The following JAKMIP2 variants were observed in gnomAD, a reference collection of about 807,000 sequenced individuals.
JAKMIP2 encodes janus kinase and microtubule-interacting protein 2.
A neutral mutation model predicts 115.0 loss-of-function variants in JAKMIP2; 25 were observed. The observed-to-expected ratio is 0.22, with a 90% CI of 0.16 to 0.30. The LOEUF is 0.30. JAKMIP2 is among the 10% of genes least tolerant of loss of function. The probability of loss-of-function intolerance (pLI) is 1.00; values close to 1 mark genes in which losing one functional copy is unlikely to be tolerated. For synonymous variants in JAKMIP2, 334 were observed against 343.6 expected, an observed-to-expected ratio of 0.97 and a Z score of 0.31; for missense variants, 642 against 957.6, an observed-to-expected ratio of 0.67 and a Z score of 4.35.
At chr5:147,720,971 C>T (rs1406620088) in intron 1 of JAKMIP2, among the ~76,000 whole-genome samples, 26 of 150,938 alleles carry the variant, frequency 1.7e-4, no homozygotes, top group African/African-American at 4.4e-4. Context: ...TTTCCCCATC[C>T]TTGTGGTTTT....
At chr5:147,775,251 T>A (rs547588551) in intron 1 of JAKMIP2, among the ~76,000 whole-genome samples, 6 of 152,184 alleles carry the variant, frequency 3.9e-5, no homozygotes, top group Non-Finnish European at 8.8e-5. Context: ...GAAAGCAGGA[T>A]GCTGCCTTAA....
At chr5:147,727,643 T>C (rs1753572489) in intron 1 of JAKMIP2, among the ~76,000 whole-genome samples, 1 of 152,144 alleles carries the variant, frequency 6.6e-6, no homozygotes, top group Non-Finnish European at 1.5e-5. Context: ...AGATGAGAAT[T>C]GGGTGGCAAC....
chr5:147,612,068 AAC>A (rs1756355560), intron 20 of JAKMIP2: 7 of 679,814 alleles, frequency 1.0e-5, no homozygotes, highest in East Asian at 2.9e-5. Flanking sequence ...AAGGAAAGAA[AAC>A]ACAGAAAAAA....
At position 147,629,886 on chromosome 5, in the gene JAKMIP2, GT is replaced by G. The variant is rs1291998312; in HGVS notation, c.1876-141del. The G allele has an allele frequency of 1.4e-5, 9 of 639,204 alleles. No individual in the cohort carries two copies. In the African/African-American group the frequency reaches 1.7e-4, roughly 12 times the overall value. 39.6% of individuals were successfully genotyped at this position (639,204 alleles called of 1,614,324 possible). ...TTCAATCTGGCACACCTAGTTTTAA[GT>G]TTCAATTTTGCTTCTTACATGCTGT... On this transcript the variant is annotated intron_variant, in intron 14 of 21. Coordinates refer to ENST00000616793, the MANE Select transcript of JAKMIP2 (RefSeq NM_001270941.2).
intron 1 of JAKMIP2, among the ~76,000 whole-genome samples, chr5:147,778,311 T>C (rs1361100264): frequency 6.6e-6 from 1 of 152,058 alleles, no homozygotes; most frequent in Admixed American, 6.6e-5. Context: ...TTTGTTTTTG[T>C]TTTTTGTTTT....
intron 2 of JAKMIP2, among the ~76,000 whole-genome samples, chr5:147,668,712 A>T (rs183274938): frequency 6.6e-6 from 1 of 152,334 alleles, no homozygotes. Context: ...TTGCTCAAAA[A>T]TTAGCACTCA....
chr5:147,632,021 T>C (rs990740773), intron 13 of JAKMIP2, among the ~76,000 whole-genome samples: 3 of 152,186 alleles, frequency 2.0e-5, no homozygotes, highest in Admixed American at 6.5e-5. Context: ...TGGGAATTTT[T>C]CTTATACTTT....
chr5:147,768,076 C>G (rs1755216747), intron 1 of JAKMIP2, among the ~76,000 whole-genome samples: 1 of 152,172 alleles, frequency 6.6e-6, no homozygotes, highest in Admixed American at 6.5e-5. Flanking sequence ...TACACACACA[C>G]ACACTTTCAG....
chr5:147,604,291 T>A lies in JAKMIP2; in HGVS notation c.2413-2480A>T, dbSNP rs116344044. ...AATGTATACTTTGGGTCAGAAATTTTAAAAATTACACTTTTAGAATTTGAC... is the reference window on the plus strand; with the variant it reads ...AATGTATACTTTGGGTCAGAAATTTAAAAAATTACACTTTTAGAATTTGAC... On this transcript the variant is annotated intron_variant, in intron 20 of 21. Coordinates refer to ENST00000616793, the MANE Select transcript of JAKMIP2 (RefSeq NM_001270941.2). Among the ~76,000 whole-genome samples the A allele has an allele frequency of 1.0e-2, 1,520 of 152,356 alleles. 26 individuals carry two copies. The highest frequency in any genetic ancestry group is 0.034 in the African/African-American group (1,415 of 41,578).
At chr5:147,697,845 A>C (rs1020034873) in intron 1 of JAKMIP2, among the ~76,000 whole-genome samples, 1 of 152,224 alleles carries the variant, frequency 6.6e-6, no homozygotes, top group Non-Finnish European at 1.5e-5. Context: ...CTCATGGAGA[A>C]TCTTTGCTAG....
chr5:147,684,074 A>G (rs1204213029), intron 1 of JAKMIP2, among the ~76,000 whole-genome samples: 3 of 151,956 alleles, frequency 2.0e-5, no homozygotes, highest in Admixed American at 2.0e-4. Context: ...GCTCACCTAC[A>G]TTTTCTGTCC....
intron 1 of JAKMIP2, among the ~76,000 whole-genome samples, chr5:147,694,332 T>A (rs1752003147): frequency 6.6e-6 from 1 of 152,198 alleles, no homozygotes; most frequent in South Asian, 2.1e-4. Context: ...TCATCTTGTC[T>A]TTGTGGTTAA....
intron 3 of JAKMIP2, among the ~76,000 whole-genome samples, chr5:147,655,990 G>A (rs1271058634): frequency 6.6e-6 from 1 of 152,168 alleles, no homozygotes; most frequent in Non-Finnish European, 1.5e-5. Context: ...TGATTTCCAT[G>A]TAGTTGTGTG....
chr5:147,611,381 C>G (rs1009249104), intron 20 of JAKMIP2, among the ~76,000 whole-genome samples: 40 of 152,118 alleles, frequency 2.6e-4, no homozygotes, highest in African/African-American at 9.4e-4. Flanking sequence ...AGTATCTGGG[C>G]CGGAGTGCAC....
chr5:147,623,837 T>C lies in JAKMIP2; in HGVS notation c.1996-148A>G, dbSNP rs113137829. The C allele has an allele frequency of 8.2e-5, 43 of 521,630 alleles. 1 individual carries two copies. Among genetic ancestry groups the C allele is most frequent in the African/African-American group, 6.6e-4 (33 of 50,346 alleles). 32.3% of individuals were successfully genotyped at this position (521,630 alleles called of 1,614,324 possible). A position where few individuals can be genotyped will look rare whatever the true frequency, so the allele number is the denominator to read the frequency against. On this transcript the variant is annotated intron_variant, in intron 16 of 21. Coordinates refer to ENST00000616793, the MANE Select transcript of JAKMIP2 (RefSeq NM_001270941.2). The stretch of plus-strand genomic sequence containing the variant: ...CAAAAACAACACCTTTTTTTGCTTG[T>C]TTGTTTGTTTTGTTTTTGAAACGGA...
intron 1 of JAKMIP2, among the ~76,000 whole-genome samples, chr5:147,777,066 C>T (rs1755586085): frequency 6.6e-6 from 1 of 152,112 alleles, no homozygotes; most frequent in Non-Finnish European, 1.5e-5. Context: ...ATATATGCAC[C>T]TGGTGAAACT....
At chr5:147,620,306 G>A (rs1352557489) in intron 18 of JAKMIP2, among the ~76,000 whole-genome samples, 1 of 152,032 alleles carries the variant, frequency 6.6e-6, no homozygotes, top group African/African-American at 2.4e-5. Context: ...GGAGATACAA[G>A]GTTTCACCAT....
chr5:147,710,604 G>C (rs1752740801), intron 1 of JAKMIP2, among the ~76,000 whole-genome samples: 1 of 152,110 alleles, frequency 6.6e-6, no homozygotes, highest in Non-Finnish European at 1.5e-5. Context: ...CTCCTTCTCA[G>C]GGTTGTTGTG....
At chr5:147,782,260 T>A (rs1003908595) in intron 1 of JAKMIP2, among the ~76,000 whole-genome samples, 196 bp downstream of exon 1, 2 of 151,886 alleles carry the variant, frequency 1.3e-5, no homozygotes, top group African/African-American at 2.4e-5. Context: ...TTTTTTTTTT[T>A]AAACACAAGA....
Sources: gnomAD v4.1 joint callset for allele counts (sites outside exome capture counted in the v4.1 genomes callset) on GRCh38, gnomAD v4.1.1 for gene constraint, MANE v1.5 for transcripts, NCBI Gene and HGNC (gene_info 2026-07-23, HGNC 2026-07-21) for gene names.